BCAS4: variants seen among roughly 807,000 people sequenced by gnomAD.
The protein encoded by BCAS4 is breast carcinoma-amplified sequence 4.
Under a neutral mutation model 15.7 loss-of-function variants are expected in BCAS4, and 9 were observed. The observed-to-expected ratio is 0.57, with a 90% CI of 0.34 to 1.00. The LOEUF is 1.00. Among genes scored for constraint, BCAS4 ranks in the 50% least tolerant of loss-of-function variants. The probability of loss-of-function intolerance (pLI) is 0.02; values close to 1 mark genes in which losing one functional copy is unlikely to be tolerated. For missense variants in BCAS4, 225 were observed against 239.1 expected, an observed-to-expected ratio of 0.94 and a Z score of 0.39; for synonymous variants, 101 against 99.5, an observed-to-expected ratio of 1.02 and a Z score of -0.09.
At chr20:50,831,607 C>G (rs997679018) in intron 3 of BCAS4, among the ~76,000 whole-genome samples, 2 of 152,100 alleles carry the variant, frequency 1.3e-5, no homozygotes, top group Non-Finnish European at 2.9e-5. Context: ...CCTCACTGCC[C>G]CCATCTCCTG....
chr20:50,795,324 C>G, intron 1 of BCAS4, 151 bp downstream of exon 1: 1 of 720,030 alleles, frequency 1.4e-6, no homozygotes, highest in Non-Finnish European at 1.9e-6. Context: ...CGGGGCGCCA[C>G]GCAGAGATGT....
At chr20:50,857,319 C>T (rs964694060) in intron 4 of BCAS4, among the ~76,000 whole-genome samples, 2 of 152,024 alleles carry the variant, frequency 1.3e-5, no homozygotes, top group African/African-American at 4.8e-5. Context: ...TTAGTGGAGA[C>T]GGGGTTTCTC....
rs73127477 is a variant in BCAS4 at position 50,850,792 on chromosome 20, C to T, written c.399+8892C>T. Among the ~76,000 whole-genome samples the T allele has an allele frequency of 3.8e-4, 58 of 152,278 alleles. No homozygotes were observed. The East Asian group carries it at 3.9e-3, about 10-fold the overall frequency. On this transcript the variant is annotated intron_variant, in intron 4 of 4. Coordinates refer to ENST00000371608, the MANE Select transcript of BCAS4 (RefSeq NM_198799.4). ...TGCTGGTGTGTTTGAGTCTCCCCCC[C>T]GGTAGAGCACATAGTAGGTGTTCAA... is the stretch of plus-strand genomic sequence containing the variant.
At chr20:50,811,303 T>G (rs1238159587) in intron 1 of BCAS4, among the ~76,000 whole-genome samples, 1 of 152,110 alleles carries the variant, frequency 6.6e-6, no homozygotes, top group African/African-American at 2.4e-5. Context: ...AGTTGGAGGC[T>G]GCAGTGAGCT....
chr20:50,871,640 C>T (rs1006619719), intron 4 of BCAS4, among the ~76,000 whole-genome samples: 17 of 152,344 alleles, frequency 1.1e-4, no homozygotes, highest in African/African-American at 2.4e-4. Context: ...AGGGTTCACG[C>T]GCTCCAAGTG....
intron 2 of BCAS4, among the ~76,000 whole-genome samples, chr20:50,824,909 C>T (rs2088261160): frequency 6.6e-6 from 1 of 152,070 alleles, no homozygotes; most frequent in African/African-American, 2.4e-5. Context: ...TTTGGTTTTA[C>T]TTTTTTTGTT....
At chr20:50,818,163 C>G in intron 1 of BCAS4, 48 bp from the exon 2 acceptor site, 2 of 1,537,604 alleles carry the variant, frequency 1.3e-6, no homozygotes, top group Non-Finnish European at 1.8e-6. Flanking sequence ...GGGTGTTTGT[C>G]TCCCTGGAAA....
chr20:50,831,036 T>G (rs1321503877), intron 3 of BCAS4, among the ~76,000 whole-genome samples: 1 of 152,176 alleles, frequency 6.6e-6, no homozygotes, highest in Non-Finnish European at 1.5e-5. Flanking sequence ...GTATGTAATT[T>G]AGTGAATTTT....
intron 4 of BCAS4, among the ~76,000 whole-genome samples, chr20:50,857,402 A>G (rs548903352): frequency 6.6e-6 from 1 of 152,356 alleles, no homozygotes; most frequent in East Asian, 1.9e-4. Flanking sequence ...AAGTGCTGGG[A>G]TTACAGGCTT....
chr20:50,812,301 T>A (rs2088076539), intron 1 of BCAS4, among the ~76,000 whole-genome samples: 1 of 151,618 alleles, frequency 6.6e-6, no homozygotes, highest in Admixed American at 6.6e-5. Context: ...CCCGGCTAAT[T>A]TTTTGTATTT....
chr20:50,810,332 G>A (rs982074311), intron 1 of BCAS4, among the ~76,000 whole-genome samples: 1 of 151,860 alleles, frequency 6.6e-6, no homozygotes, highest in African/African-American at 2.4e-5. Flanking sequence ...GCCTAGATTC[G>A]GGAGTGGGAA....
At chr20:50,806,291 G>A (rs1337778324) in intron 1 of BCAS4, among the ~76,000 whole-genome samples, 3 of 152,214 alleles carry the variant, frequency 2.0e-5, no homozygotes, top group African/African-American at 7.2e-5. Context: ...ATGCAAGGCT[G>A]GGACTAAGGC....
At chr20:50,802,984 C>T (rs1164082633) in intron 1 of BCAS4, among the ~76,000 whole-genome samples, 1 of 152,178 alleles carries the variant, frequency 6.6e-6, no homozygotes, top group African/African-American at 2.4e-5. Flanking sequence ...AGTTTGAAAC[C>T]AGCCTGGCCA....
At chr20:50,815,338 T>G (rs2123768935) in intron 1 of BCAS4, among the ~76,000 whole-genome samples, 1 of 152,164 alleles carries the variant, frequency 6.6e-6, no homozygotes, top group East Asian at 1.9e-4. Context: ...ATGCAGGTTG[T>G]GTGTTCTTAA....
chr20:50,798,215 G>A (rs957484318), intron 1 of BCAS4, among the ~76,000 whole-genome samples: 7 of 152,024 alleles, frequency 4.6e-5, no homozygotes, highest in Non-Finnish European at 8.8e-5. Context: ...AGAAACGCTT[G>A]AACCTGGGAG....
Position 50,817,472 on chromosome 20 carries a change from CT to C in BCAS4, c.91-731del, listed in dbSNP as rs199546927. The stretch of plus-strand genomic sequence containing the variant: ...AGGCCTTTCTCTGTGAAGACATGTA[CT>C]TTTTTTTGAGACGGAGTCTCGCTCT... On this transcript the variant is annotated intron_variant, in intron 1 of 4. Transcript: ENST00000371608. Among the ~76,000 whole-genome samples, 911 of 152,054 alleles carry C rather than the reference CT, an allele frequency of 6.0e-3. 11 individuals are homozygous for C. Among genetic ancestry groups the C allele is most frequent in the African/African-American group, 0.021 (880 of 41,508 alleles).
intron 2 of BCAS4, among the ~76,000 whole-genome samples, chr20:50,824,380 G>A (rs2088252417): frequency 6.6e-6 from 1 of 152,220 alleles, no homozygotes; most frequent in South Asian, 2.1e-4. Context: ...TTCCTCTGTG[G>A]TGACCTCAGA....
chr20:50,869,665 G>T (rs181212586), intron 4 of BCAS4, among the ~76,000 whole-genome samples: 131 of 150,060 alleles, frequency 8.7e-4, no homozygotes, highest in African/African-American at 3.2e-3. Context: ...AGGGTTTGTT[G>T]TTCCTGTTCT....
In BCAS4 at chr20:50,845,733, C is replaced by T. The variant is rs114808900; in HGVS notation, c.399+3833C>T. Among the ~76,000 whole-genome samples the T allele has an allele frequency of 4.1e-3, 620 of 152,374 alleles. 8 individuals carry two copies. The highest frequency in any genetic ancestry group is 0.014 in the African/African-American group (603 of 41,596). Reference sequence around the variant, plus strand: ...TGGCGCCCCTGGGCTGTCTGTTCCTCACCCACCCGTGCTGCCTCCAAAGGG... The same window carrying T: ...TGGCGCCCCTGGGCTGTCTGTTCCTTACCCACCCGTGCTGCCTCCAAAGGG... On this transcript the variant is annotated intron_variant, in intron 4 of 4. Transcript: ENST00000371608.
Sources: allele counts gnomAD v4.1 joint callset (sites outside exome capture counted in the v4.1 genomes callset), GRCh38; gene constraint gnomAD v4.1.1; transcripts MANE v1.5; gene names NCBI Gene and HGNC (gene_info 2026-07-23, HGNC 2026-07-21).